The following DRC4 variants were observed in gnomAD, a reference collection of about 807,000 sequenced individuals.
The protein encoded by DRC4 is GAS-11.
At chr16:90,044,478 C>A in the DRC4 span, 1 of 470,778 alleles carries the variant, frequency 2.1e-6, no homozygotes, top group Non-Finnish European at 4.4e-6. Context: ...GCCTCAGCCC[C>A]CTCCAGCCCA....
chr16:90,028,930 T>A, the DRC4 span: 16 of 1,298,198 alleles, frequency 1.2e-5, no homozygotes, highest in Non-Finnish European at 1.6e-5. Flanking sequence ...TGGCTTTATT[T>A]TACATGCAGG....
chr16:90,044,558 C>T, the DRC4 span: 7 of 471,094 alleles, frequency 1.5e-5, no homozygotes, highest in East Asian at 6.9e-5. Context: ...CCCTCAGTGT[C>T]GAAGGTGAGC....
the DRC4 span, among the ~76,000 whole-genome samples, chr16:90,041,734 G>C: frequency 1.3e-5 from 2 of 152,162 alleles, no homozygotes; most frequent in Admixed American, 1.3e-4. Flanking sequence ...GGGAGGCGGA[G>C]GTTGCGGTGA....
At chr16:90,044,848 C>T in the DRC4 span, 8 of 245,442 alleles carry the variant, frequency 3.3e-5, no homozygotes, top group Admixed American at 1.0e-4. Context: ...GAAAAAGTCT[C>T]CCACAATTTA....
chr16:90,042,643 T>C, the DRC4 span: 1 of 875,898 alleles, frequency 1.1e-6, no homozygotes, highest in South Asian at 1.4e-5. Context: ...GTACCTCGTT[T>C]GACAAGGCAG....
chr16:90,020,555 CTGAA>C, the DRC4 span, among the ~76,000 whole-genome samples: 5 of 152,206 alleles, frequency 3.3e-5, no homozygotes, highest in African/African-American at 1.2e-4. Flanking sequence ...CAGCTTGACA[CTGAA>C]TGAAAGTATC....
chr16:90,021,874 A>AAAAAAAAAAAG, the DRC4 span, among the ~76,000 whole-genome samples: 354 of 127,122 alleles, frequency 2.8e-3, 10 homozygotes, highest in South Asian at 4.0e-3. Context: ...AAAAAAAAAA[A>AAAAAAAAAAAG]AAGCACCTGT....
chr16:90,036,326 C>A, the DRC4 span: 1 of 1,478,436 alleles, frequency 6.8e-7, no homozygotes, highest in Non-Finnish European at 9.3e-7. Context: ...TGTTCTGTAG[C>A]CGTAGGGGCA....
chr16:90,030,787 A>G, the DRC4 span, among the ~76,000 whole-genome samples: 1 of 150,916 alleles, frequency 6.6e-6, no homozygotes, highest in Admixed American at 6.6e-5. Flanking sequence ...TAGTTAATGA[A>G]AAAAAGTTTT....
the DRC4 span, among the ~76,000 whole-genome samples, chr16:90,041,725 G>A: frequency 2.6e-5 from 4 of 152,116 alleles, no homozygotes; most frequent in South Asian, 4.1e-4. Context: ...CTGGCACCTG[G>A]GAGGCGGAGG....
chr16:90,041,338 A>G, the DRC4 span, among the ~76,000 whole-genome samples: 1 of 152,180 alleles, frequency 6.6e-6, no homozygotes, highest in Non-Finnish European at 1.5e-5. Context: ...GCTGCTGGCC[A>G]GGTGTGAGGG....
the DRC4 span, among the ~76,000 whole-genome samples, chr16:90,034,437 C>T: frequency 1.3e-5 from 2 of 152,078 alleles, no homozygotes; most frequent in Admixed American, 6.5e-5. Flanking sequence ...GCCTGACCAA[C>T]GTGGTGAAAC....
chr16:90,031,469 C>T, the DRC4 span: 274 of 1,578,440 alleles, frequency 1.7e-4, no homozygotes, highest in Non-Finnish European at 2.2e-4. Context: ...TGGAAGAAGC[C>T]GAGGAGAGGC....
At chr16:90,041,784 G>T in the DRC4 span, among the ~76,000 whole-genome samples, 1 of 152,070 alleles carries the variant, frequency 6.6e-6, no homozygotes, top group African/African-American at 2.4e-5. Flanking sequence ...GGGCAACGGG[G>T]CGAGACTCCA....
chr16:90,020,062 C>T, the DRC4 span: 9 of 678,966 alleles, frequency 1.3e-5, no homozygotes, highest in South Asian at 1.2e-4. Flanking sequence ...ATTGCCAGCT[C>T]CTGGCCTGGG....
the DRC4 span, among the ~76,000 whole-genome samples, chr16:90,041,927 G>A: frequency 6.6e-6 from 1 of 152,118 alleles, no homozygotes; most frequent in African/African-American, 2.4e-5. Context: ...CATTTCTTGT[G>A]GTCTGGACTG....
At chr16:90,032,782 C>T in the DRC4 span, 3 of 1,613,950 alleles carry the variant, frequency 1.9e-6, no homozygotes, top group South Asian at 3.3e-5. Context: ...GAGATGAAGG[C>T]TGAGGGCACT....
At chr16:90,037,825 G>C in the DRC4 span, 1 of 1,614,058 alleles carries the variant, frequency 6.2e-7, no homozygotes, top group East Asian at 2.2e-5. Context: ...GGAGCATGAA[G>C]TGTTAGAGCA....
chr16:90,041,327 T>C, the DRC4 span, among the ~76,000 whole-genome samples: 116,313 of 151,696 alleles, frequency 0.77, 45,506 homozygotes, highest in African/African-American at 0.91. Context: ...GGACACTGTT[T>C]GCTGCTGGCC....
Sources: allele counts gnomAD v4.1 joint callset (sites outside exome capture counted in the v4.1 genomes callset), GRCh38; gene constraint gnomAD v4.1.1; transcripts MANE v1.5; gene names NCBI Gene and HGNC (gene_info 2026-07-23, HGNC 2026-07-21).